The following PROSER2 variants were observed in gnomAD, a reference collection of about 807,000 sequenced individuals.
The protein encoded by PROSER2 is proline and serine rich 2.
In PROSER2, 18 loss-of-function variants were observed where a neutral mutation model predicts 14.6. The observed-to-expected ratio is 1.23, with a 90% CI of 0.85 to 1.83. The LOEUF is 1.83. Ranked by LOEUF, PROSER2 falls within the 40% of genes most tolerant of loss-of-function variation. PROSER2 has a pLI of 0.00. For missense variants in PROSER2, 823 were observed against 629.8 expected, an observed-to-expected ratio of 1.31 and a Z score of -3.28; for synonymous variants, 367 against 286.4, an observed-to-expected ratio of 1.28 and a Z score of -2.84.
At position 11,870,550 on chromosome 10, in the gene PROSER2, G is replaced by T. The variant is rs374577235; in HGVS notation, c.*144G>T. The T allele has an allele frequency of 4.0e-5, 27 of 670,676 alleles. No homozygotes were observed. Among genetic ancestry groups the T allele is most frequent in the East Asian group, 3.5e-4 (10 of 28,750 alleles). 41.5% of individuals were successfully genotyped at this position (670,676 alleles called of 1,614,324 possible). A position where few individuals can be genotyped will look rare whatever the true frequency, so the allele number is the denominator to read the frequency against. Reference sequence around the variant, plus strand: ...CTGTGGCACATCGGAGTCTAGAGGTGCCTGGCTGGGGCCTCCTGGCTGAGC... The same window carrying T: ...CTGTGGCACATCGGAGTCTAGAGGTTCCTGGCTGGGGCCTCCTGGCTGAGC... On this transcript the variant is annotated 3_prime_UTR_variant, in exon 4 of 4. Coordinates refer to ENST00000277570, the MANE Select transcript of PROSER2 (RefSeq NM_153256.4).
Position 11,870,101 on chromosome 10 carries a change from G to T in PROSER2, c.1003G>T (p.Ala335Ser). 1 of 1,315,466 alleles carries T rather than the reference G, an allele frequency of 7.6e-7. No individual in the cohort carries two copies. Among genetic ancestry groups the T allele is most frequent in the Non-Finnish European group, 9.7e-7 (1 of 1,034,290 alleles). 81.5% of individuals were successfully genotyped at this position (1,315,466 alleles called of 1,614,324 possible). A position where few individuals can be genotyped will look rare whatever the true frequency, so the allele number is the denominator to read the frequency against. ...PAESLRAGGQ[A>S]PRGPALANGF... ...TGAGAGTCTCCGGGCAGGGGGTCAG[G>T]CTCCGCGGGGCCCGGCGCTGGCCAA... The change falls in exon 4 of 4, where the codon GCT becomes TCT. Residue 335 changes from alanine to serine, a missense_variant. Ala to Ser is a moderately conservative substitution (Grantham distance 99). Transcript: ENST00000277570.
rs1189357437 is a variant in PROSER2, at chr10:11,869,875, C to A, written c.777C>A (p.Val259=). The A allele has an allele frequency of 1.3e-6, 2 of 1,593,950 alleles. No homozygotes were observed. The highest frequency in any genetic ancestry group is 2.3e-5 in the South Asian group (2 of 88,320). The change falls in exon 4 of 4, where the codon GTC becomes GTA. Residue 259 remains valine, a synonymous_variant. Coordinates refer to ENST00000277570, the MANE Select transcript of PROSER2 (RefSeq NM_153256.4). The surrounding 1 kb of genome is among the most constrained non-coding windows in gnomAD (Gnocchi z 4.4). ...CCCGCTTCCCCAGCAACATCATCGT[C>A]ACCAACGGCGCGGCCCGGGAGCCCC... The part of the protein sequence containing the change: ...KAPRFPSNII[V]TNGAAREPRR...
At position 11,870,220 on chromosome 10, in the gene PROSER2, G is replaced by C. The variant is rs772881601; in HGVS notation, c.1122G>C (p.Leu374=). The part of the protein sequence containing the change: ...KSLCFRPGPA[L]PSTRARQSFP... Reference sequence around the variant, plus strand: ...TCTGCTTCCGCCCTGGCCCGGCCCTGCCCAGCACGCGGGCCCGTCAGAGCT... The same window carrying C: ...TCTGCTTCCGCCCTGGCCCGGCCCTCCCCAGCACGCGGGCCCGTCAGAGCT... The change falls in exon 4 of 4, where the codon CTG becomes CTC. Residue 374 remains leucine, a synonymous_variant. Coordinates refer to ENST00000277570, the MANE Select transcript of PROSER2 (RefSeq NM_153256.4). The C allele has an allele frequency of 6.7e-7, 1 of 1,491,302 alleles. No individual in the cohort carries two copies. Among genetic ancestry groups the C allele is most frequent in the South Asian group, 1.2e-5 (1 of 80,282 alleles). 92.4% of individuals were successfully genotyped at this position (1,491,302 alleles called of 1,614,324 possible). A position where few individuals can be genotyped will look rare whatever the true frequency, so the allele number is the denominator to read the frequency against.
Position 11,836,287 on chromosome 10 carries a change from T to G in PROSER2, c.-82+12817T>G, listed in dbSNP as rs1371437741. 1.3e-5 allele frequency among the ~76,000 whole-genome samples: 2 copies of G among 152,030 alleles called. No individual in the cohort carries two copies. The highest frequency in any genetic ancestry group is 2.9e-5 in the Non-Finnish European group (2 of 67,988). On this transcript the variant is annotated intron_variant, in intron 1 of 3. Coordinates refer to ENST00000277570, the MANE Select transcript of PROSER2 (RefSeq NM_153256.4). The surrounding 1 kb of genome is among the most constrained non-coding windows in gnomAD (Gnocchi z 4.6). Reference sequence around the variant, plus strand: ...TCTCCACTCACTGCAGCCTCCACCTTCCAGGTTCAAGCGATTCTCCCATCT... The same window carrying G: ...TCTCCACTCACTGCAGCCTCCACCTGCCAGGTTCAAGCGATTCTCCCATCT...
At chr10:11,864,856 T>G (rs778887543) in intron 2 of PROSER2, among the ~76,000 whole-genome samples, 2 of 152,180 alleles carry the variant, frequency 1.3e-5, no homozygotes, top group African/African-American at 2.4e-5. Context: ...CCCACAGTAC[T>G]GGGATTACAG....
Position 11,839,738 on chromosome 10 carries a change from T to C in PROSER2, c.-81-12259T>C, listed in dbSNP as rs544069182. ...TACTCGGGAGGCTGAGGCAGGAGAATCGCTTGAACCCGGGAGGCAGAGGTT... is the reference window on the plus strand; with the variant it reads ...TACTCGGGAGGCTGAGGCAGGAGAACCGCTTGAACCCGGGAGGCAGAGGTT... On this transcript the variant is annotated intron_variant, in intron 1 of 3. Coordinates refer to ENST00000277570, the MANE Select transcript of PROSER2 (RefSeq NM_153256.4). 4.7e-5 allele frequency among the ~76,000 whole-genome samples: 7 copies of C among 148,172 alleles called. No individual in the cohort carries two copies. The Admixed American group carries it at 4.8e-4, about 10-fold the overall frequency.
chr10:11,868,932 C>T (rs573863992), intron 3 of PROSER2, among the ~76,000 whole-genome samples: 6 of 152,212 alleles, frequency 3.9e-5, no homozygotes, highest in South Asian at 4.2e-4. Flanking sequence ...ATTACAGGTG[C>T]GAGCCACCGC....
rs1452071503 is a variant in PROSER2, at chr10:11,869,317, ACCTTCT to A, written c.392-167_392-162del. The A allele has an allele frequency of 3.2e-6, 2 of 620,084 alleles. No homozygotes were observed. The highest frequency in any genetic ancestry group is 2.8e-5 in the Admixed American group (1 of 35,660). 38.4% of individuals were successfully genotyped at this position (620,084 alleles called of 1,614,324 possible). A position where few individuals can be genotyped will look rare whatever the true frequency, so the allele number is the denominator to read the frequency against. On this transcript the variant is annotated intron_variant, in intron 3 of 3. Transcript: ENST00000277570. The surrounding 1 kb of genome is among the most constrained non-coding windows in gnomAD (Gnocchi z 4.4). The stretch of plus-strand genomic sequence containing the variant: ...CGTGAGGTCATGAGCATGACATACC[ACCTTCT>A]CCTTCCCTAGTCCCAGGAACAGGGA...
At chr10:11,841,548 A>G (rs1564304302) in intron 1 of PROSER2, among the ~76,000 whole-genome samples, 1 of 152,090 alleles carries the variant, frequency 6.6e-6, no homozygotes, top group Non-Finnish European at 1.5e-5. Context: ...CATTTCAGTG[A>G]TGTTTGAGCT....
At chr10:11,826,897 T>TTA (rs58963502) in intron 1 of PROSER2, among the ~76,000 whole-genome samples, 2 of 134,740 alleles carry the variant, frequency 1.5e-5, no homozygotes, top group Non-Finnish European at 3.1e-5. Context: ...TTTTTTTTTT[T>TTA]CCTCTGACAT....
intron 1 of PROSER2, among the ~76,000 whole-genome samples, chr10:11,832,489 C>A (rs191692482): frequency 3.3e-5 from 5 of 152,212 alleles, no homozygotes; most frequent in Non-Finnish European, 5.9e-5. Context: ...TTCATATTGA[C>A]ATGGATTACC....
At chr10:11,829,072 G>A (rs1006643295) in intron 1 of PROSER2, among the ~76,000 whole-genome samples, 3 of 152,082 alleles carry the variant, frequency 2.0e-5, no homozygotes, top group South Asian at 2.1e-4. Flanking sequence ...ATGGACCAGC[G>A]AAGCTTTCTG....
chr10:11,825,573 T>C (rs1436959035), intron 1 of PROSER2, among the ~76,000 whole-genome samples: 2 of 152,202 alleles, frequency 1.3e-5, no homozygotes, highest in African/African-American at 4.8e-5. Context: ...ACGGGTTATG[T>C]CCAGCCAGTG....
At chr10:11,835,929 T>C (rs1236894872) in intron 1 of PROSER2, among the ~76,000 whole-genome samples, 1 of 152,170 alleles carries the variant, frequency 6.6e-6, no homozygotes, top group Non-Finnish European at 1.5e-5. Context: ...GTTCCCACCG[T>C]GAAACGCTCT....
chr10:11,852,789 T>A (rs867115240), intron 2 of PROSER2, among the ~76,000 whole-genome samples: 3 of 150,004 alleles, frequency 2.0e-5, no homozygotes, highest in Admixed American at 1.3e-4. Flanking sequence ...CCCAAAGTGC[T>A]GGGATTATAG....
In PROSER2 at chr10:11,823,511, G is replaced by A. The variant is rs7923488; in HGVS notation, c.-82+41G>A. 43,580 of 153,212 alleles carry A rather than the reference G, an allele frequency of 0.28. 6,901 individuals carry two copies. Among genetic ancestry groups the A allele is most frequent in the East Asian group, 0.62 (3,222 of 5,200 alleles). 9.5% of individuals were successfully genotyped at this position (153,212 alleles called of 1,614,324 possible). On this transcript the variant is annotated intron_variant, in intron 1 of 3. Transcript: ENST00000277570. This position sits in a 1 kb window ranked among gnomAD's most constrained non-coding sequence, Gnocchi z 6.2. ...GGACTCCGGGCAGGGCTGGAGCGAC[G>A]GGAGGGCGTCCTGGCGGCGGTGGCG... is the stretch of plus-strand genomic sequence containing the variant.
chr10:11,843,601 G>T (rs763596998), intron 1 of PROSER2, among the ~76,000 whole-genome samples: 5 of 151,714 alleles, frequency 3.3e-5, no homozygotes, highest in Non-Finnish European at 7.4e-5. Flanking sequence ...CAGGAGAATT[G>T]CTAGAACCTG....
Position 11,838,312 on chromosome 10 carries a change from T to C in PROSER2, c.-81-13685T>C, listed in dbSNP as rs1833790405. On this transcript the variant is annotated intron_variant, in intron 1 of 3. Transcript: ENST00000277570. The surrounding 1 kb of genome is among the most constrained non-coding windows in gnomAD (Gnocchi z 4.4). The stretch of plus-strand genomic sequence containing the variant: ...CTAAGAATCTAACTCTGACTTTTCA[T>C]TGAGTGCTTTGAAGGTCTGTGCATG... 6.6e-6 allele frequency among the ~76,000 whole-genome samples: 1 copy of C among 152,210 alleles called. No individual in the cohort carries two copies. The highest frequency in any genetic ancestry group is 1.5e-5 in the Non-Finnish European group (1 of 68,040).
chr10:11,852,587 T>G (rs761055337), intron 2 of PROSER2, among the ~76,000 whole-genome samples: 1 of 151,946 alleles, frequency 6.6e-6, no homozygotes, highest in Non-Finnish European at 1.5e-5. Flanking sequence ...TGGCGCGATC[T>G]TGGCTCACTG....
Sources: allele counts gnomAD v4.1 joint callset (sites outside exome capture counted in the v4.1 genomes callset), GRCh38; gene constraint gnomAD v4.1.1; non-coding constraint Gnocchi (gnomAD v3.1); transcripts MANE v1.5; gene names NCBI Gene and HGNC (gene_info 2026-07-23, HGNC 2026-07-21).